The following OTOGL variants were observed in gnomAD, a reference collection of about 807,000 sequenced individuals.
The protein encoded by OTOGL is otogelin like.
In OTOGL, 285 loss-of-function variants were observed where a neutral mutation model predicts 318.5. The observed-to-expected ratio is 0.89, with a 90% CI of 0.81 to 0.99. The LOEUF is 0.99. OTOGL is among the 50% of genes least tolerant of loss of function. OTOGL has a pLI of 0.00. For missense variants in OTOGL, 2,899 were observed against 2,845.6 expected, an observed-to-expected ratio of 1.02 and a Z score of -0.43; for synonymous variants, 987 against 936.5, an observed-to-expected ratio of 1.05 and a Z score of -0.99.
rs545215082 is a variant in OTOGL at position 80,129,064 on chromosome 12, C to G, written c.-20+29459C>G. Among the ~76,000 whole-genome samples the G allele has an allele frequency of 5.9e-5, 9 of 152,324 alleles. No individual in the cohort carries two copies. The East Asian group carries it at 1.4e-3, about 23-fold the overall frequency. On this transcript the variant is annotated intron_variant, in intron 1 of 58. Transcript: ENST00000547103. Reference sequence around the variant, plus strand: ...CCACTGTCCTGCACCCACTGTCTGACAATCCCCAGTGAGATGAACCCAGTA... The same window carrying G: ...CCACTGTCCTGCACCCACTGTCTGAGAATCCCCAGTGAGATGAACCCAGTA...
intron 16 of OTOGL, 76 bp from the exon 17 acceptor site, chr12:80,256,261 A>G (rs753188836): frequency 1.4e-5 from 20 of 1,453,850 alleles, no homozygotes; most frequent in Non-Finnish European, 1.8e-5. Flanking sequence ...CCTTTCTCCC[A>G]TCTCCACCTT....
intron 1 of OTOGL, among the ~76,000 whole-genome samples, chr12:80,157,254 A>G (rs1873186270): frequency 6.6e-6 from 1 of 152,058 alleles, no homozygotes; most frequent in Non-Finnish European, 1.5e-5. Context: ...AGAACTGTCT[A>G]TTCAAATCTT....
chr12:80,193,409 G>A (rs182250208), intron 1 of OTOGL, among the ~76,000 whole-genome samples: 20 of 152,112 alleles, frequency 1.3e-4, no homozygotes, highest in South Asian at 4.2e-4. Flanking sequence ...CCAGTTACTC[G>A]GGAGGCTGAG....
chr12:80,280,859 T>C lies in OTOGL; in HGVS notation c.2928+1693T>C, dbSNP rs574909513. ...TGTATTTCCATTTGTTTGTGTCGTC[T>C]TGATTTCTTTCAGCAGTGTTTTGTA... On this transcript the variant is annotated intron_variant, in intron 26 of 58. Transcript: ENST00000547103. Among the ~76,000 whole-genome samples, 29 of 152,096 alleles carry C rather than the reference T, an allele frequency of 1.9e-4. No homozygotes were observed. The South Asian group carries it at 6.0e-3, about 32-fold the overall frequency.
At position 80,147,327 on chromosome 12, in the gene OTOGL, AG is replaced by A. The variant is rs1424864413; in HGVS notation, c.-20+47724del. On this transcript the variant is annotated intron_variant, in intron 1 of 58. Transcript: ENST00000547103. ...TTCGTTATGTACCCAGTAGTCATTC[AG>A]GAGCAGGTTGTTCAGTTTCCATGTA... Among the ~76,000 whole-genome samples, 16 of 146,360 alleles carry A rather than the reference AG, an allele frequency of 1.1e-4. No individual in the cohort carries two copies. The East Asian group carries it at 3.0e-3, about 27-fold the overall frequency.
At chr12:80,238,713 T>C (rs1880084998) in intron 9 of OTOGL, 138 bp from the exon 10 acceptor site, 1 of 1,072,378 alleles carries the variant, frequency 9.3e-7, no homozygotes, top group African/African-American at 1.7e-5. Context: ...TATTATCTAA[T>C]ATCACATTGG....
At chr12:80,107,912 C>T (rs1592457208) in intron 1 of OTOGL, among the ~76,000 whole-genome samples, 2 of 151,758 alleles carry the variant, frequency 1.3e-5, no homozygotes, top group East Asian at 1.9e-4. Flanking sequence ...TACATGGACA[C>T]GAAGAGGGAA....
chr12:80,232,157 G>T (rs1287424342), intron 8 of OTOGL, among the ~76,000 whole-genome samples: 3 of 152,106 alleles, frequency 2.0e-5, no homozygotes, highest in Non-Finnish European at 4.4e-5. Context: ...ATTAGACTTT[G>T]TATCAGGAGC....
chr12:80,155,167 T>A (rs1873034835), intron 1 of OTOGL, among the ~76,000 whole-genome samples: 1 of 152,362 alleles, frequency 6.6e-6, no homozygotes, highest in African/African-American at 2.4e-5. Flanking sequence ...CTTTGTATAT[T>A]TTGGATAACA....
At chr12:80,329,183 G>A (rs560292105) in intron 37 of OTOGL, 64 bp downstream of exon 37, 3 of 1,237,388 alleles carry the variant, frequency 2.4e-6, no homozygotes, top group African/African-American at 3.2e-5. Flanking sequence ...CTTAATTTAT[G>A]TAATTTAGGT....
At chr12:80,225,557 A>G (rs1368188205) in intron 7 of OTOGL, among the ~76,000 whole-genome samples, 1 of 152,156 alleles carries the variant, frequency 6.6e-6, no homozygotes, top group Non-Finnish European at 1.5e-5. Context: ...TGTTAAAATT[A>G]TCACTTAAGA....
chr12:80,122,676 T>C (rs1870556390), intron 1 of OTOGL, among the ~76,000 whole-genome samples: 1 of 152,178 alleles, frequency 6.6e-6, no homozygotes, highest in African/African-American at 2.4e-5. Context: ...CCCCAGATGC[T>C]GTCTTTTACC....
chr12:80,176,712 T>C (rs1874552287), intron 1 of OTOGL, among the ~76,000 whole-genome samples: 1 of 152,164 alleles, frequency 6.6e-6, no homozygotes, highest in Non-Finnish European at 1.5e-5. Flanking sequence ...TCAATGTATA[T>C]ATTTTGTGTA....
In OTOGL at chr12:80,323,097, TACACACACACACACACACAC is replaced by T. The variant is rs200949284; in HGVS notation, c.4082-594_4082-575del. Among the ~76,000 whole-genome samples, 83 of 127,152 alleles carry T rather than the reference TACACACACACACACACACAC, an allele frequency of 6.5e-4. 1 individual carries two copies. The highest frequency in any genetic ancestry group is 1.7e-3 in the African/African-American group (61 of 36,202). The allele number at this position is 127,152 out of a possible 152,430, so 83.4% of individuals were successfully genotyped here. Reference sequence around the variant, plus strand: ...GATGTGAAGACAGATGAAAACCCACTACACACACACACACACACACACACACACACACACACACACACACA... The same window carrying T: ...GATGTGAAGACAGATGAAAACCCACTACACACACACACACACACACACACA... On this transcript the variant is annotated intron_variant, in intron 34 of 58. Transcript: ENST00000547103.
At chr12:80,218,246 C>T (rs1055118000) in intron 5 of OTOGL, among the ~76,000 whole-genome samples, 2 of 152,118 alleles carry the variant, frequency 1.3e-5, no homozygotes, top group Non-Finnish European at 2.9e-5. Context: ...GTGGAAAAAA[C>T]TGCATTTAAA....
chr12:80,370,357 G>A (rs1890802154), intron 55 of OTOGL, among the ~76,000 whole-genome samples: 1 of 151,788 alleles, frequency 6.6e-6, no homozygotes. Context: ...ACATATGTAT[G>A]TATTTTTATC....
Position 80,318,729 on chromosome 12 carries a change from A to G in OTOGL, c.3802+16A>G. On this transcript the variant is annotated intron_variant, in intron 33 of 58. Coordinates refer to ENST00000547103, the MANE Select transcript of OTOGL (RefSeq NM_001378609.3). ...AAGGTATCATGTAAGTATAATTGAA[A>G]ATAAGAGTTTAGCTTTCCAATTACA... 8.2e-7 allele frequency: 1 copy of G among 1,213,480 alleles called. No individual in the cohort carries two copies. The highest frequency in any genetic ancestry group is 1.1e-6 in the Non-Finnish European group (1 of 951,610). The allele number at this position is 1,213,480 out of a possible 1,614,324, so 75.2% of individuals were successfully genotyped here.
rs1419363301 is a variant in OTOGL, at chr12:80,355,788, G to T, written c.5646G>T (p.Gly1882=). The T allele has an allele frequency of 4.3e-6, 7 of 1,613,680 alleles. No individual in the cohort carries two copies. In the East Asian group the frequency reaches 1.6e-4, roughly 36 times the overall value. The change falls in exon 47 of 59, where the codon GGG becomes GGT. Residue 1882 remains glycine, a synonymous_variant. Transcript: ENST00000547103. ...QPRTAGEIWN[G]GIDECTLYKC... is the part of the protein sequence containing the mutation. Reference sequence around the variant, plus strand: ...GCACTGCTGGGGAGATTTGGAATGGGGGCATTGATGAATGCACTCTATACA... The same window carrying T: ...GCACTGCTGGGGAGATTTGGAATGGTGGCATTGATGAATGCACTCTATACA...
chr12:80,369,438 A>T (rs1358173828), intron 55 of OTOGL, among the ~76,000 whole-genome samples: 1 of 152,106 alleles, frequency 6.6e-6, no homozygotes. Flanking sequence ...ACATGCTTAC[A>T]CTTTCCTTAA....
Sources: allele counts gnomAD v4.1 joint callset (sites outside exome capture counted in the v4.1 genomes callset), GRCh38; gene constraint gnomAD v4.1.1; transcripts MANE v1.5; gene names NCBI Gene and HGNC (gene_info 2026-07-23, HGNC 2026-07-21).